EFCAB11: variants seen among roughly 807,000 people sequenced by gnomAD.
The protein encoded by EFCAB11 is EF-hand calcium binding domain 11.
EFCAB11 carries 14 observed loss-of-function variants against 23.0 expected under a neutral mutation model. That is an observed-to-expected ratio of 0.61 (90% CI 0.40 to 0.95). The LOEUF (loss-of-function observed/expected upper bound fraction) is 0.95, where lower values mean the gene tolerates loss of function less well. Among genes scored for constraint, EFCAB11 ranks in the 40% least tolerant of loss-of-function variants. The pLI, the probability that EFCAB11 is intolerant of heterozygous loss-of-function variation, is 0.00. For missense variants in EFCAB11, 198 were observed against 195.8 expected (o/e 1.01, Z -0.07); for synonymous variants, 65 against 66.6 (o/e 0.98, Z 0.11).
intron 5 of EFCAB11, among the ~76,000 whole-genome samples, chr14:89,859,240 T>C (rs1017616292): frequency 1.3e-5 from 2 of 152,194 alleles, no homozygotes; most frequent in African/African-American, 4.8e-5. Flanking sequence ...GAATTAGTCT[T>C]TAAAGGTCCA....
At position 89,925,648 on chromosome 14, in the gene EFCAB11, CT is replaced by C. The variant is rs397758240; in HGVS notation, c.410+5892del. ...GAGGAATACAAAGTTATGTTTCTTT[CT>C]TTTTTTTTTTTTTTGAGATGGAGTC... On this transcript the variant is annotated intron_variant, in intron 5 of 5. Transcript: ENST00000316738. Among the ~76,000 whole-genome samples the C allele has an allele frequency of 4.8e-3, 647 of 134,582 alleles. 7 individuals carry two copies. Among genetic ancestry groups the C allele is most frequent in the East Asian group, 0.02 (93 of 4,624 alleles). 88.3% of individuals were successfully genotyped at this position (134,582 alleles called of 152,430 possible). A position where few individuals can be genotyped will look rare whatever the true frequency, so the allele number is the denominator to read the frequency against.
At chr14:89,875,680 T>C (rs948505750) in intron 5 of EFCAB11, among the ~76,000 whole-genome samples, 3 of 152,020 alleles carry the variant, frequency 2.0e-5, no homozygotes, top group African/African-American at 7.3e-5. Flanking sequence ...ATTTAGAATA[T>C]GTGGAGTTTG....
At chr14:89,830,090 C>T (rs1450308502) in intron 5 of EFCAB11, 1 of 152,042 alleles carries the variant, frequency 6.6e-6, no homozygotes, top group African/African-American at 2.4e-5. Context: ...TCTTTTGTAT[C>T]ATTATTAAAA....
In EFCAB11 at chr14:89,888,866, C is replaced by T. The variant is rs560551977; in HGVS notation, c.410+42675G>A. 2.7e-3 allele frequency among the ~76,000 whole-genome samples: 409 copies of T among 152,338 alleles called. 2 individuals carry two copies. Among genetic ancestry groups the T allele is most frequent in the African/African-American group, 9.5e-3 (394 of 41,568 alleles). ...TTTTTATTATAGCAGCCCAAATGGA[C>T]TAAGACAGCTGTCCTGTCTTTGTTT... On this transcript the variant is annotated intron_variant, in intron 5 of 5. Coordinates refer to ENST00000316738, the MANE Select transcript of EFCAB11 (RefSeq NM_145231.4).
At chr14:89,814,835 C>T (rs375552108) in intron 5 of EFCAB11, among the ~76,000 whole-genome samples, 10 of 152,264 alleles carry the variant, frequency 6.6e-5, no homozygotes, top group Middle Eastern at 3.4e-3. Flanking sequence ...AGTCCTATGC[C>T]CAGCTAATAA....
At chr14:89,901,796 C>T (rs980905817) in intron 5 of EFCAB11, among the ~76,000 whole-genome samples, 5 of 151,962 alleles carry the variant, frequency 3.3e-5, no homozygotes, top group Non-Finnish European at 7.4e-5. Context: ...GTTGAGTTAT[C>T]CTTAATCCAG....
intron 5 of EFCAB11, among the ~76,000 whole-genome samples, chr14:89,828,731 T>C (rs1886788809): frequency 6.6e-6 from 1 of 152,214 alleles, no homozygotes; most frequent in African/African-American, 2.4e-5. Context: ...AGATGTTCAA[T>C]ATTTTACATA....
chr14:89,945,707 G>C (rs1336184907), intron 3 of EFCAB11, among the ~76,000 whole-genome samples: 2 of 151,898 alleles, frequency 1.3e-5, no homozygotes, highest in African/African-American at 4.8e-5. Flanking sequence ...GCTTTTGTTG[G>C]GTAGAACATT....
intron 5 of EFCAB11, among the ~76,000 whole-genome samples, chr14:89,893,979 A>AT (rs892162225): frequency 4.6e-4 from 69 of 150,246 alleles, no homozygotes; most frequent in East Asian, 2.0e-3. Flanking sequence ...CCAATTCTTG[A>AT]TTTTTTTTTT....
At chr14:89,904,437 C>T (rs150587797) in intron 5 of EFCAB11, among the ~76,000 whole-genome samples, 13 of 152,074 alleles carry the variant, frequency 8.5e-5, no homozygotes, top group Non-Finnish European at 2.9e-5. Context: ...AATAAACATA[C>T]GTGTGCATGT....
chr14:89,933,813 T>C (rs1890481792), intron 3 of EFCAB11, among the ~76,000 whole-genome samples: 3 of 152,054 alleles, frequency 2.0e-5, no homozygotes, highest in Non-Finnish European at 4.4e-5. Context: ...AGACAGGAGG[T>C]TGTGAAAAAG....
At chr14:89,862,237 G>T (rs2140151925) in intron 5 of EFCAB11, among the ~76,000 whole-genome samples, 1 of 152,264 alleles carries the variant, frequency 6.6e-6, no homozygotes, top group South Asian at 2.1e-4. Context: ...AAAATAGAAA[G>T]CACATCCTGT....
Position 89,941,094 on chromosome 14 carries a change from T to C in EFCAB11, c.218-8467A>G, listed in dbSNP as rs117737459. ...CATTTATTGAACAGCTCATCGACAC[T>C]GACATCCACTCAGCAGCCTCCCCTC... On this transcript the variant is annotated intron_variant, in intron 3 of 5. Transcript: ENST00000316738. Among the ~76,000 whole-genome samples the C allele has an allele frequency of 3.5e-3, 531 of 152,332 alleles. 3 individuals are homozygous for C. Among genetic ancestry groups the C allele is most frequent in the Non-Finnish European group, 4.9e-3 (333 of 68,018 alleles).
intron 3 of EFCAB11, among the ~76,000 whole-genome samples, chr14:89,933,057 G>A (rs1890452257): frequency 6.6e-6 from 1 of 152,038 alleles, no homozygotes; most frequent in Non-Finnish European, 1.5e-5. Flanking sequence ...TTTCCAACTG[G>A]GAGATCGGGT....
intron 3 of EFCAB11, among the ~76,000 whole-genome samples, chr14:89,946,455 C>T (rs1293948440): frequency 2.0e-5 from 3 of 152,152 alleles, no homozygotes; most frequent in Non-Finnish European, 4.4e-5. Context: ...TTCAATGGGG[C>T]TGTTGAGATC....
chr14:89,952,680 A>T lies in EFCAB11; in HGVS notation c.171+1226T>A, dbSNP rs539728334. 3.3e-6 allele frequency: 3 copies of T among 913,442 alleles called. No individual in the cohort carries two copies. The South Asian group carries it at 1.5e-4, about 46-fold the overall frequency. 56.6% of individuals were successfully genotyped at this position (913,442 alleles called of 1,614,324 possible). A position where few individuals can be genotyped will look rare whatever the true frequency, so the allele number is the denominator to read the frequency against. ...ACTTCACAGTAAGTATGTTCTGTTG[A>T]CACAAATAGGGCGGAGAGGCATGAC... is the stretch of plus-strand genomic sequence containing the variant. On this transcript the variant is annotated intron_variant, in intron 2 of 5. Transcript: ENST00000316738.
chr14:89,907,346 G>A (rs971776828), intron 5 of EFCAB11, among the ~76,000 whole-genome samples: 5 of 152,168 alleles, frequency 3.3e-5, no homozygotes, highest in African/African-American at 4.8e-5. Context: ...AACAGTTCAT[G>A]ACAGTAAAAA....
At chr14:89,926,105 G>A (rs533388060) in intron 5 of EFCAB11, among the ~76,000 whole-genome samples, 6 of 152,096 alleles carry the variant, frequency 3.9e-5, no homozygotes, top group Non-Finnish European at 7.4e-5. Context: ...ATGAGCCACC[G>A]CACCCACCCG....
chr14:89,835,021 G>A (rs565287119), intron 5 of EFCAB11, among the ~76,000 whole-genome samples: 1 of 152,352 alleles, frequency 6.6e-6, no homozygotes, highest in East Asian at 1.9e-4. Context: ...ACAGTGTATA[G>A]TAACTGCAGA....
Sources: gnomAD v4.1 joint callset for allele counts (sites outside exome capture counted in the v4.1 genomes callset) on GRCh38, gnomAD v4.1.1 for gene constraint, MANE v1.5 for transcripts, NCBI Gene and HGNC (gene_info 2026-07-23, HGNC 2026-07-21) for gene names.